The following SEPSECS variants were observed in gnomAD, a reference collection of about 807,000 sequenced individuals.
SEPSECS encodes the protein Sep (O-phosphoserine) tRNA:Sec (selenocysteine) tRNA synthase.
SEPSECS carries 42 observed loss-of-function variants against 52.1 expected under a neutral mutation model. The observed-to-expected ratio is 0.81, with a 90% CI of 0.63 to 1.04. The LOEUF (loss-of-function observed/expected upper bound fraction) is 1.04. SEPSECS is among the 50% of genes least tolerant of loss of function. The pLI is 0.00. For synonymous variants in SEPSECS, 216 were observed against 211.4 expected, an observed-to-expected ratio of 1.02 and a Z score of -0.19; for missense variants, 590 against 610.6, an observed-to-expected ratio of 0.97 and a Z score of 0.36.
intron 8 of SEPSECS, among the ~76,000 whole-genome samples, chr4:25,131,175 T>C (rs979609662): frequency 6.6e-6 from 1 of 152,198 alleles, no homozygotes; most frequent in African/African-American, 2.4e-5. Flanking sequence ...GCAAATTGAT[T>C]TGTAGTCATG....
intron 8 of SEPSECS, among the ~76,000 whole-genome samples, chr4:25,137,268 G>C (rs185355486): frequency 6.6e-6 from 1 of 152,270 alleles, no homozygotes; most frequent in East Asian, 1.9e-4. Context: ...TATCATCAGA[G>C]TGAACTGACA....
At chr4:25,144,928 T>C in intron 7 of SEPSECS, 63 bp from the exon 8 acceptor site, 1 of 1,598,606 alleles carries the variant, frequency 6.3e-7, no homozygotes, top group African/African-American at 1.3e-5. Context: ...GAAATTAAGA[T>C]TTACTACAAT....
At chr4:25,137,593 T>G (rs139886290) in intron 8 of SEPSECS, among the ~76,000 whole-genome samples, 40 of 152,272 alleles carry the variant, frequency 2.6e-4, no homozygotes, top group African/African-American at 8.9e-4. Context: ...TGCAGAGAAA[T>G]AGGAACACTT....
chr4:25,131,572 G>A (rs921847919), intron 8 of SEPSECS, among the ~76,000 whole-genome samples: 2 of 152,202 alleles, frequency 1.3e-5, no homozygotes, highest in Non-Finnish European at 1.5e-5. Flanking sequence ...ACACCCATCT[G>A]CATTCAAGTT....
chr4:25,143,737 A>C (rs938565082), intron 8 of SEPSECS, among the ~76,000 whole-genome samples: 17 of 152,222 alleles, frequency 1.1e-4, no homozygotes, highest in African/African-American at 3.1e-4. Flanking sequence ...ATTCATCCTA[A>C]GGCTATGAGA....
rs1404374502 is a variant in SEPSECS, at chr4:25,121,613, C to T, written c.*2318G>A. ...ACACTAGGGTGGGGACAAAGGAAAG[C>T]CTGAATAGACAGAACTCTTCAAAAA... On this transcript the variant is annotated 3_prime_UTR_variant, in exon 11 of 11. Coordinates refer to ENST00000382103, the MANE Select transcript of SEPSECS (RefSeq NM_016955.4). The T allele has an allele frequency of 9.9e-5, 15 of 152,046 alleles. No homozygotes were observed. The highest frequency in any genetic ancestry group is 2.4e-4 in the African/African-American group (10 of 41,418). 9.4% of individuals were successfully genotyped at this position (152,046 alleles called of 1,614,324 possible). A position where few individuals can be genotyped will look rare whatever the true frequency, so the allele number is the denominator to read the frequency against.
At chr4:25,155,534 G>A (rs765858914) in intron 4 of SEPSECS, among the ~76,000 whole-genome samples, 29 of 152,154 alleles carry the variant, frequency 1.9e-4, no homozygotes, top group Non-Finnish European at 3.4e-4. Flanking sequence ...ATTCTCTGGT[G>A]ATATTTCTGT....
chr4:25,129,596 G>T (rs1021514677), intron 8 of SEPSECS, among the ~76,000 whole-genome samples: 3 of 151,564 alleles, frequency 2.0e-5, no homozygotes, highest in Non-Finnish European at 4.4e-5. Context: ...TCACCACGCT[G>T]GTCAGGCTGG....
intron 5 of SEPSECS, among the ~76,000 whole-genome samples, chr4:25,153,755 C>A (rs1712456846): frequency 2.0e-5 from 3 of 151,986 alleles, no homozygotes. Flanking sequence ...TCACCCTTTT[C>A]CTAAACTTTG....
At chr4:25,132,193 C>T (rs1483286563) in intron 8 of SEPSECS, among the ~76,000 whole-genome samples, 1 of 152,156 alleles carries the variant, frequency 6.6e-6, no homozygotes, top group African/African-American at 2.4e-5. Flanking sequence ...AAAGATAAAG[C>T]CTTTTCTGAA....
In SEPSECS at chr4:25,160,444, C is replaced by A; in HGVS notation, c.-75G>T. ...CCAGACACACGACGGAACCAGAATG[C>A]AACTCGCCGCCTGGACGGTACGGCA... On this transcript the variant is annotated 5_prime_UTR_variant, in exon 1 of 11. Coordinates refer to ENST00000382103, the MANE Select transcript of SEPSECS (RefSeq NM_016955.4). 1 of 1,236,212 alleles carries A rather than the reference C, an allele frequency of 8.1e-7. No homozygotes were observed. Among genetic ancestry groups the A allele is most frequent in the South Asian group, 1.3e-5 (1 of 74,400 alleles). The allele number at this position is 1,236,212 out of a possible 1,614,324, so 76.6% of individuals were successfully genotyped here.
At chr4:25,132,781 T>C (rs1351938545) in intron 8 of SEPSECS, among the ~76,000 whole-genome samples, 6 of 152,204 alleles carry the variant, frequency 3.9e-5, no homozygotes, top group Non-Finnish European at 7.4e-5. Context: ...AAGATCATCA[T>C]CTTTATGGCT....
chr4:25,135,127 A>G (rs1358374267), intron 8 of SEPSECS, among the ~76,000 whole-genome samples: 1 of 152,202 alleles, frequency 6.6e-6, no homozygotes, highest in Non-Finnish European at 1.5e-5. Context: ...CCAAATTGAC[A>G]TTCTAACATC....
In SEPSECS at chr4:25,120,152, C is replaced by T. The variant is rs1728060364; in HGVS notation, c.*3779G>A. ...AGCAGGCTGACATCAGCTTCATATT[C>T]TCATGGCTAAAATCCCCCACGGTTA... On this transcript the variant is annotated 3_prime_UTR_variant, in exon 11 of 11. Coordinates refer to ENST00000382103, the MANE Select transcript of SEPSECS (RefSeq NM_016955.4). 2 of 152,116 alleles carry T rather than the reference C, an allele frequency of 1.3e-5. No individual in the cohort carries two copies. Among genetic ancestry groups the T allele is most frequent in the South Asian group, 4.1e-4 (2 of 4,826 alleles). 9.4% of individuals were successfully genotyped at this position (152,116 alleles called of 1,614,324 possible).
intron 8 of SEPSECS, among the ~76,000 whole-genome samples, chr4:25,132,257 C>T (rs1421910766): frequency 6.6e-6 from 1 of 152,116 alleles, no homozygotes; most frequent in Non-Finnish European, 1.5e-5. Context: ...TGAATAAGGG[C>T]ATAGAATGAA....
At position 25,159,035 on chromosome 4, in the gene SEPSECS, T is replaced by C; in HGVS notation, c.187A>G (p.Ser63Gly). The change falls in exon 2 of 11, where the codon AGC becomes GGC. Residue 63 changes from serine to glycine, a missense_variant. By Grantham distance (56) the Ser-to-Gly change is moderately conservative. Transcript: ENST00000382103. ...CCACAATTGCCTAAGAAATTGTTGC[T>C]GTCCATGATTGCAAGTTCATGTAAA... ...LFLHELAIMDSNNFLGNCGVG... is the reference protein window; with the variant it reads ...LFLHELAIMDGNNFLGNCGVG... 3 of 1,613,672 alleles carry C rather than the reference T, an allele frequency of 1.9e-6. No homozygotes were observed. Among genetic ancestry groups the C allele is most frequent in the Non-Finnish European group, 2.5e-6 (3 of 1,179,644 alleles).
chr4:25,142,047 TG>T (rs1254619148), intron 8 of SEPSECS, among the ~76,000 whole-genome samples: 2 of 152,090 alleles, frequency 1.3e-5, no homozygotes, highest in East Asian at 1.9e-4. Context: ...GAGGCCAAGG[TG>T]GGGGGATCAC....
chr4:25,125,528 G>C (rs1728323368), intron 10 of SEPSECS, 166 bp downstream of exon 10: 1 of 653,890 alleles, frequency 1.5e-6, no homozygotes, highest in African/African-American at 1.8e-5. Context: ...CCACAGGTGG[G>C]CATACAGTAG....
intron 6 of SEPSECS, among the ~76,000 whole-genome samples, chr4:25,148,547 A>G (rs182638455): frequency 9.2e-4 from 140 of 152,240 alleles, no homozygotes; most frequent in African/African-American, 2.9e-3. Flanking sequence ...TAGTGCCACA[A>G]CCTCTTTTGG....
Sources: gnomAD v4.1 joint callset for allele counts (sites outside exome capture counted in the v4.1 genomes callset) on GRCh38, gnomAD v4.1.1 for gene constraint, MANE v1.5 for transcripts, NCBI Gene and HGNC (gene_info 2026-07-23, HGNC 2026-07-21) for gene names.